The following TGFA variants were observed in gnomAD, a reference collection of about 807,000 sequenced individuals.
The protein encoded by TGFA is transforming growth factor alpha, also known as protransforming growth factor alpha.
A neutral mutation model predicts 21.7 loss-of-function variants in TGFA; 12 were observed. The ratio of observed to expected loss-of-function variants is 0.55; its 90% CI spans 0.35 to 0.90. The LOEUF (loss-of-function observed/expected upper bound fraction) is 0.90. TGFA is among the 40% of genes least tolerant of loss of function. The pLI is 0.01. For synonymous variants in TGFA, 79 were observed against 88.1 expected (o/e 0.90, Z 0.58); for missense variants, 178 against 210.8 (o/e 0.84, Z 0.96).
chr2:70,462,265 T>G (rs1203363801), intron 3 of TGFA, among the ~76,000 whole-genome samples: 1 of 152,240 alleles, frequency 6.6e-6, no homozygotes, highest in Non-Finnish European at 1.5e-5. Flanking sequence ...TTTTGGGTAC[T>G]GTAAATACAA....
intron 2 of TGFA, among the ~76,000 whole-genome samples, chr2:70,488,964 C>T (rs1216490074): frequency 6.6e-6 from 1 of 152,240 alleles, no homozygotes; most frequent in African/African-American, 2.4e-5. Flanking sequence ...AGGCCTCCAG[C>T]CACCAAGCCC....
chr2:70,502,170 C>T (rs1407895315), intron 2 of TGFA, among the ~76,000 whole-genome samples: 1 of 152,158 alleles, frequency 6.6e-6, no homozygotes, highest in Non-Finnish European at 1.5e-5. Context: ...AAGCATTCCA[C>T]GTCTCCCATA....
chr2:70,516,193 G>A lies in TGFA; in HGVS notation c.41-1281C>T, dbSNP rs556322388. ...AAAAAGATGCCACAGTTGCTGTGCC[G>A]AGGGGCTGGGCCTCTGACAGGTTAG... On this transcript the variant is annotated intron_variant, in intron 1 of 5. Coordinates refer to ENST00000295400, the MANE Select transcript of TGFA (RefSeq NM_003236.4). Among the ~76,000 whole-genome samples the A allele has an allele frequency of 2.9e-3, 436 of 152,336 alleles. 1 individual carries two copies. Among genetic ancestry groups the A allele is most frequent in the African/African-American group, 9.9e-3 (411 of 41,580 alleles).
chr2:70,520,211 A>G (rs1672404631), intron 1 of TGFA, among the ~76,000 whole-genome samples: 2 of 152,172 alleles, frequency 1.3e-5, no homozygotes, highest in African/African-American at 4.8e-5. Context: ...CACTAAGGGA[A>G]CTTCAACGAA....
At chr2:70,497,070 G>A (rs1289802825) in intron 2 of TGFA, among the ~76,000 whole-genome samples, 1 of 152,212 alleles carries the variant, frequency 6.6e-6, no homozygotes, top group African/African-American at 2.4e-5. Context: ...GGAGGAGCAA[G>A]TGCAAAGCCT....
intron 1 of TGFA, among the ~76,000 whole-genome samples, chr2:70,535,466 T>A (rs1672945240): frequency 6.6e-6 from 1 of 152,264 alleles, no homozygotes; most frequent in African/African-American, 2.4e-5. Context: ...ATCTTAGTTT[T>A]GTTATTCATT....
At chr2:70,551,696 T>G (rs1673515045) in intron 1 of TGFA, among the ~76,000 whole-genome samples, 2 of 148,678 alleles carry the variant, frequency 1.3e-5, no homozygotes, top group Non-Finnish European at 3.0e-5. Context: ...CTGGTGTAAA[T>G]TACTCCTGCC....
At chr2:70,466,560 C>T (rs1670572132) in intron 2 of TGFA, among the ~76,000 whole-genome samples, 2 of 152,128 alleles carry the variant, frequency 1.3e-5, no homozygotes, top group Admixed American at 6.5e-5. Flanking sequence ...AAAAACCCAA[C>T]ACAAATAGAA....
At chr2:70,546,248 C>CTGTACTATACATATAGT (rs1673297878) in intron 1 of TGFA, among the ~76,000 whole-genome samples, 1 of 151,988 alleles carries the variant, frequency 6.6e-6, no homozygotes, top group Non-Finnish European at 1.5e-5. Context: ...CAGAGCAAGA[C>CTGTACTATACATATAGT]ACTGGAACCT....
intron 1 of TGFA, among the ~76,000 whole-genome samples, chr2:70,521,624 T>TTG (rs1559133571): frequency 5.9e-5 from 8 of 134,790 alleles, no homozygotes; most frequent in African/African-American, 2.0e-4. Context: ...TTTGTTTTTT[T>TTG]TTTTTTTTTT....
In TGFA at chr2:70,505,883, C is replaced by T. The variant is rs115721730; in HGVS notation, c.94+8976G>A. On this transcript the variant is annotated intron_variant, in intron 2 of 5. Transcript: ENST00000295400. ...ACACATTCTGATAACGTAATTGGGC[C>T]GTAACTTTCAAGACAGGAAACGAGG... 2.7e-3 allele frequency among the ~76,000 whole-genome samples: 404 copies of T among 152,204 alleles called. 2 individuals carry two copies. Among genetic ancestry groups the T allele is most frequent in the African/African-American group, 9.3e-3 (386 of 41,526 alleles).
At chr2:70,486,438 C>T (rs1671273177) in intron 2 of TGFA, among the ~76,000 whole-genome samples, 1 of 152,100 alleles carries the variant, frequency 6.6e-6, no homozygotes, top group African/African-American at 2.4e-5. Flanking sequence ...GCACCCCCTG[C>T]CTTTATTCAT....
intron 1 of TGFA, among the ~76,000 whole-genome samples, chr2:70,537,212 T>A (rs568506808): frequency 6.6e-6 from 1 of 152,122 alleles, no homozygotes; most frequent in South Asian, 2.1e-4. Flanking sequence ...ACTTAGCTGA[T>A]CAATGGAGCA....
In TGFA at chr2:70,465,602, C is replaced by G. The variant is rs371528026; in HGVS notation, c.215+14G>C. Reference sequence around the variant, plus strand: ...CCCCAGCCCCAGATCTCCAGGAGAACAGGGGATACTTACACACATGCTGGC... The same window carrying G: ...CCCCAGCCCCAGATCTCCAGGAGAAGAGGGGATACTTACACACATGCTGGC... On this transcript the variant is annotated intron_variant, in intron 3 of 5. Transcript: ENST00000295400. 55 of 1,613,936 alleles carry G rather than the reference C, an allele frequency of 3.4e-5. No homozygotes were observed. The highest frequency in any genetic ancestry group is 4.3e-5 in the Non-Finnish European group (51 of 1,179,962).
intron 2 of TGFA, among the ~76,000 whole-genome samples, chr2:70,493,542 A>G (rs1014701247): frequency 6.6e-6 from 1 of 152,056 alleles, no homozygotes; most frequent in African/African-American, 2.4e-5. Context: ...CCTCCACAGT[A>G]CCCTCTGAAA....
intron 1 of TGFA, among the ~76,000 whole-genome samples, chr2:70,530,978 C>A (rs1329597097): frequency 6.6e-6 from 1 of 152,220 alleles, no homozygotes; most frequent in Non-Finnish European, 1.5e-5. Context: ...CTCCACACTG[C>A]ACCTGTGGGA....
chr2:70,486,469 T>C (rs1392513237), intron 2 of TGFA, among the ~76,000 whole-genome samples: 2 of 151,654 alleles, frequency 1.3e-5, no homozygotes, highest in Non-Finnish European at 2.9e-5. Context: ...TTTTGTTTGT[T>C]TGTTGTTGTT....
intron 3 of TGFA, 69 bp downstream of exon 3, chr2:70,465,547 A>G (rs971460182): frequency 6.3e-7 from 1 of 1,594,482 alleles, no homozygotes; most frequent in East Asian, 2.2e-5. Flanking sequence ...TTATGGAGGT[A>G]AATGCTCTTC....
chr2:70,526,682 G>A (rs1158799981), intron 1 of TGFA, among the ~76,000 whole-genome samples: 1 of 152,184 alleles, frequency 6.6e-6, no homozygotes, highest in East Asian at 1.9e-4. Flanking sequence ...TGGGAAAATG[G>A]GAGTGGGATC....
Sources: gnomAD v4.1 joint callset for allele counts (sites outside exome capture counted in the v4.1 genomes callset) on GRCh38, gnomAD v4.1.1 for gene constraint, MANE v1.5 for transcripts, NCBI Gene and HGNC (gene_info 2026-07-23, HGNC 2026-07-21) for gene names.